The following CACNA1I variants were observed in gnomAD, a reference collection of about 807,000 sequenced individuals.
The protein encoded by CACNA1I is voltage-dependent T-type calcium channel subunit alpha-1I.
CACNA1I carries 74 observed loss-of-function variants against 201.6 expected under a neutral mutation model. That is an observed-to-expected ratio of 0.37 (90% CI 0.30 to 0.45). The LOEUF is 0.45. CACNA1I is among the 20% of genes least tolerant of loss of function. CACNA1I has a pLI of 1.00. For missense variants in CACNA1I, 2,346 were observed against 3,138.1 expected, an observed-to-expected ratio of 0.75 and a Z score of 6.03; for synonymous variants, 1,431 against 1,345.2, an observed-to-expected ratio of 1.06 and a Z score of -1.40.
At chr22:39,634,762 C>A in intron 5 of CACNA1I, 38 bp downstream of exon 5, 1 of 1,592,758 alleles carries the variant, frequency 6.3e-7, no homozygotes, top group Non-Finnish European at 8.6e-7. Context: ...GCTCCGGGGA[C>A]TCTTACTAAG....
intron 1 of CACNA1I, among the ~76,000 whole-genome samples, chr22:39,572,817 C>T (rs1388653609): frequency 6.6e-6 from 1 of 151,848 alleles, no homozygotes; most frequent in Admixed American, 6.6e-5. Flanking sequence ...AGTGCAGTGG[C>T]GCGATCTCGG....
chr22:39,641,015 A>C lies in CACNA1I; in HGVS notation c.889A>C (p.Lys297Gln), dbSNP rs1934338487. The change falls in exon 6 of 37, where the codon AAG becomes CAG. Residue 297 changes from lysine to glutamine, a missense_variant. Physicochemically the swap from Lys to Gln is moderately conservative, Grantham distance 53. Transcript: ENST00000402142. ...GCAGGGCCGTGAGTGCTGCCTGTCCAAGGACGACGTCTACGACTTTGGGGC... is the reference window on the plus strand; with the variant it reads ...GCAGGGCCGTGAGTGCTGCCTGTCCCAGGACGACGTCTACGACTTTGGGGC... ...KEQGRECCLS[K>Q]DDVYDFGAGR... The C allele has an allele frequency of 6.2e-7, 1 of 1,614,060 alleles. No individual in the cohort carries two copies. Among genetic ancestry groups the C allele is most frequent in the South Asian group, 1.1e-5 (1 of 91,092 alleles).
At chr22:39,587,691 A>G in intron 1 of CACNA1I, 1 of 445,614 alleles carries the variant, frequency 2.2e-6, no homozygotes, top group Non-Finnish European at 4.5e-6. Context: ...CCATTCCTGC[A>G]GGTTGTTGTA....
At chr22:39,630,854 G>A (rs539520731) in intron 4 of CACNA1I, among the ~76,000 whole-genome samples, 81 of 152,344 alleles carry the variant, frequency 5.3e-4, no homozygotes, top group African/African-American at 1.7e-3. Context: ...CAGCAGTTCC[G>A]GGATCCTATG....
At chr22:39,601,651 G>A (rs1933034981) in intron 3 of CACNA1I, among the ~76,000 whole-genome samples, 3 of 151,960 alleles carry the variant, frequency 2.0e-5, no homozygotes, top group Admixed American at 1.3e-4. Flanking sequence ...TATTGAGGAG[G>A]TGTGACCTTT....
intron 1 of CACNA1I, among the ~76,000 whole-genome samples, chr22:39,582,043 C>T (rs973069897): frequency 2.0e-5 from 3 of 152,154 alleles, no homozygotes; most frequent in Admixed American, 2.0e-4. Flanking sequence ...TTGTGCAGAG[C>T]CGTGGGAAGA....
At chr22:39,628,110 A>G (rs1462165144) in intron 4 of CACNA1I, among the ~76,000 whole-genome samples, 6 of 152,150 alleles carry the variant, frequency 3.9e-5, no homozygotes, top group Admixed American at 1.3e-4. Flanking sequence ...ATTCTGTTCT[A>G]CAAATCCGGA....
At chr22:39,647,684 G>T (rs899351875) in intron 8 of CACNA1I, 138 bp from the exon 9 acceptor site, 9 of 642,364 alleles carry the variant, frequency 1.4e-5, no homozygotes, top group African/African-American at 1.8e-5. Context: ...AAAGTGCTAG[G>T]ATTATAGGCA....
At position 39,686,336 on chromosome 22, in the gene CACNA1I, G is replaced by C; in HGVS notation, c.6603G>C (p.Leu2201Phe). Residue 2201 changes from leucine to phenylalanine, a missense_variant, in exon 37 of 37, where the codon TTG becomes TTC. By Grantham distance (22) the Leu-to-Phe change is conservative. Coordinates refer to ENST00000402142, the MANE Select transcript of CACNA1I (RefSeq NM_021096.4). ...CGCTGCCCATGGGCCTGGGCCCCTTGGCGCCCCCGCCGCAACCGCTCCCCG... is the reference window on the plus strand; with the variant it reads ...CGCTGCCCATGGGCCTGGGCCCCTTCGCGCCCCCGCCGCAACCGCTCCCCG... Reference protein sequence around the residue: ...RAPLPMGLGPLAPPPQPLPGE... With the variant: ...RAPLPMGLGPFAPPPQPLPGE... 5.3e-6 allele frequency: 7 copies of C among 1,308,412 alleles called. No homozygotes were observed. The highest frequency in any genetic ancestry group is 6.8e-6 in the Non-Finnish European group (7 of 1,027,358). The allele number at this position is 1,308,412 out of a possible 1,614,324, so 81.1% of individuals were successfully genotyped here.
At chr22:39,631,023 G>T (rs1001403926) in intron 4 of CACNA1I, among the ~76,000 whole-genome samples, 1 of 152,172 alleles carries the variant, frequency 6.6e-6, no homozygotes, top group African/African-American at 2.4e-5. Context: ...GTGAGCAGGG[G>T]CCAGGAAGGT....
intron 24 of CACNA1I, among the ~76,000 whole-genome samples, chr22:39,668,774 AAGTG>A (rs1935276769): frequency 6.6e-6 from 1 of 152,114 alleles, no homozygotes; most frequent in African/African-American, 2.4e-5. Flanking sequence ...CAGGAGTAGA[AAGTG>A]AGAGAGGCAT....
intron 33 of CACNA1I, 50 bp from the exon 34 acceptor site, chr22:39,680,880 T>C: frequency 6.3e-7 from 1 of 1,576,218 alleles, no homozygotes; most frequent in African/African-American, 1.3e-5. Context: ...AGGACCCAGG[T>C]CTGCCCATCC....
chr22:39,592,566 G>A (rs955858178), intron 1 of CACNA1I, among the ~76,000 whole-genome samples: 1 of 152,338 alleles, frequency 6.6e-6, no homozygotes, highest in South Asian at 2.1e-4. Context: ...AGTAGGCGAG[G>A]CAGCTGGGCC....
intron 1 of CACNA1I, among the ~76,000 whole-genome samples, chr22:39,595,738 A>C (rs1932875160): frequency 6.6e-6 from 1 of 151,992 alleles, no homozygotes; most frequent in Non-Finnish European, 1.5e-5. Flanking sequence ...ACTCATACCT[A>C]ATTTTGGGCC....
intron 26 of CACNA1I, among the ~76,000 whole-genome samples, chr22:39,671,635 G>A (rs5750870): frequency 0.52 from 79,709 of 151,958 alleles, 21,782 homozygotes; most frequent in East Asian, 0.96. Flanking sequence ...GGGAAGCAGA[G>A]CCGCCAGGTG....
chr22:39,586,797 A>G (rs1031734736), intron 1 of CACNA1I, among the ~76,000 whole-genome samples: 1 of 152,136 alleles, frequency 6.6e-6, no homozygotes, highest in Non-Finnish European at 1.5e-5. Flanking sequence ...TGTAATCCAC[A>G]CTGGTCGAGC....
intron 1 of CACNA1I, among the ~76,000 whole-genome samples, chr22:39,579,850 T>C (rs1043341595): frequency 1.3e-5 from 2 of 152,182 alleles, no homozygotes; most frequent in African/African-American, 2.4e-5. Flanking sequence ...GGTTTTGCCA[T>C]GTTGGGCAAG....
Position 39,598,220 on chromosome 22 carries a change from C to T in CACNA1I, c.306C>T (p.Cys102=), listed in dbSNP as rs745370654. The change falls in exon 2 of 37, where the codon TGC becomes TGT. Residue 102 remains cysteine (C), a synonymous_variant. Transcript: ENST00000402142. ...NCVTLGMYQP[C]DDMDCLSDRC... ...TGACACTTGGCATGTACCAGCCGTG[C>T]GACGACATGGACTGCCTGTCCGACC... is the stretch of plus-strand genomic sequence containing the variant. 5.6e-6 allele frequency: 9 copies of T among 1,607,676 alleles called. No homozygotes were observed. The highest frequency in any genetic ancestry group is 3.4e-5 in the Admixed American group (2 of 59,472).
chr22:39,685,799 CAG>C lies in CACNA1I; in HGVS notation c.6067_6068del (p.Ser2023LeufsTer254). 6.7e-7 allele frequency: 1 copy of C among 1,496,388 alleles called. No homozygotes were observed. Among genetic ancestry groups the C allele is most frequent in the Non-Finnish European group, 8.8e-7 (1 of 1,130,466 alleles). The allele number at this position is 1,496,388 out of a possible 1,614,324, so 92.7% of individuals were successfully genotyped here. On this transcript the variant is annotated frameshift_variant, in exon 37 of 37. Transcript: ENST00000402142. LOFTEE classifies it low-confidence loss of function (END_TRUNC). The surrounding 1 kb of genome is among the most constrained non-coding windows in gnomAD (Gnocchi z 5.0). ...ACACGTCGCTGGACGCCAGCCCCAG[CAG>C]CTCCGCGGGCAGCCTGCAGACCACG... is the stretch of plus-strand genomic sequence containing the variant. ...SDTSLDASPSSSAGSLQTTLE... is the reference protein window; with the variant it reads ...SDTSLDASPSXSAGSLQTTLE...
Sources: gnomAD v4.1 joint callset for allele counts (sites outside exome capture counted in the v4.1 genomes callset) on GRCh38, gnomAD v4.1.1 for gene constraint, Gnocchi (gnomAD v3.1) non-coding constraint, MANE v1.5 for transcripts, NCBI Gene and HGNC (gene_info 2026-07-23, HGNC 2026-07-21) for gene names.